PPFIBP1: variants seen among roughly 807,000 people sequenced by gnomAD.
PPFIBP1 encodes liprin-beta-1.
In PPFIBP1, 112 loss-of-function variants were observed where a neutral mutation model predicts 137.8. The ratio of observed to expected loss-of-function variants is 0.81; its 90% CI spans 0.70 to 0.95. PPFIBP1 has a LOEUF of 0.95. Among genes scored for constraint, PPFIBP1 ranks in the 40% least tolerant of loss-of-function variants. The pLI, the probability that PPFIBP1 is intolerant of heterozygous loss-of-function variation, is 0.00. For synonymous variants in PPFIBP1, 378 were observed against 417.3 expected, an observed-to-expected ratio of 0.91 and a Z score of 1.15; for missense variants, 1,083 against 1,196.6, an observed-to-expected ratio of 0.91 and a Z score of 1.40.
In PPFIBP1 at chr12:27,694,617, T is replaced by C. The variant is rs1566037141; in HGVS notation, c.*1735T>C. 1 of 152,268 alleles carries C rather than the reference T, an allele frequency of 6.6e-6. No homozygotes were observed. The highest frequency in any genetic ancestry group is 1.5e-5 in the Non-Finnish European group (1 of 68,042). 9.4% of individuals were successfully genotyped at this position (152,268 alleles called of 1,614,324 possible). A position where few individuals can be genotyped will look rare whatever the true frequency, so the allele number is the denominator to read the frequency against. On this transcript the variant is annotated 3_prime_UTR_variant, in exon 30 of 30. Transcript: ENST00000228425. ...ATGGCTATTTTGTGACGATAAGATG[T>C]AGTTCATGTTTTTCTGTAGCACTGG...
At chr12:27,641,346 A>G (rs2058092214) in intron 4 of PPFIBP1, among the ~76,000 whole-genome samples, 2 of 152,214 alleles carry the variant, frequency 1.3e-5, no homozygotes, top group African/African-American at 4.8e-5. Flanking sequence ...AAAGCAAAAC[A>G]AAGGGGAAAC....
chr12:27,626,566 TG>T (rs1235814116), intron 2 of PPFIBP1, among the ~76,000 whole-genome samples: 2 of 151,886 alleles, frequency 1.3e-5, no homozygotes, highest in Non-Finnish European at 2.9e-5. Flanking sequence ...TCTAGGGATT[TG>T]CATTTCTTTT....
chr12:27,676,942 C>T, intron 18 of PPFIBP1, 122 bp from the exon 19 acceptor site: 1 of 1,258,078 alleles, frequency 7.9e-7, no homozygotes, highest in Non-Finnish European at 1.2e-6. Flanking sequence ...CTGTGTGCCG[C>T]ATGCCTCTCC....
intron 2 of PPFIBP1, among the ~76,000 whole-genome samples, chr12:27,632,022 ATTCCTTGT>A (rs1270216529): frequency 6.6e-6 from 1 of 152,082 alleles, no homozygotes; most frequent in East Asian, 1.9e-4. Context: ...TAACTTGTTG[ATTCCTTGT>A]TTCCTGGGTA....
intron 1 of PPFIBP1, among the ~76,000 whole-genome samples, chr12:27,566,490 A>G (rs1268790480): frequency 6.6e-6 from 1 of 152,248 alleles, no homozygotes; most frequent in Non-Finnish European, 1.5e-5. Flanking sequence ...AGCCTTTAGG[A>G]TAAAACCCCA....
At chr12:27,558,918 A>G (rs761302920) in intron 1 of PPFIBP1, among the ~76,000 whole-genome samples, 4 of 152,100 alleles carry the variant, frequency 2.6e-5, no homozygotes, top group Non-Finnish European at 5.9e-5. Flanking sequence ...GCTGGAGTGC[A>G]GTGGCGTGAC....
rs372609088 is a variant in PPFIBP1 at position 27,692,949 on chromosome 12, A to C, written c.*67A>C. ...TCTACTTGCTTTTCCAAACACTCAC[A>C]GTATATACAACAGGCAGCGGATTGT... On this transcript the variant is annotated 3_prime_UTR_variant, in exon 30 of 30. Coordinates refer to ENST00000228425, the MANE Select transcript of PPFIBP1 (RefSeq NM_003622.4). 1.2e-5 allele frequency: 19 copies of C among 1,593,362 alleles called. No individual in the cohort carries two copies. In the African/African-American group the frequency reaches 2.3e-4, roughly 19 times the overall value.
rs552167101 is a variant in PPFIBP1 at position 27,579,203 on chromosome 12, T to A, written c.-36+964T>A. On this transcript the variant is annotated intron_variant, in intron 2 of 29. Transcript: ENST00000228425. ...CCAGTCCTTTCAGGAATTTCCTCTG[T>A]GTCCATGAGCTATCTAAGGTCCATG... is the stretch of plus-strand genomic sequence containing the variant. Among the ~76,000 whole-genome samples the A allele has an allele frequency of 2.0e-3, 312 of 152,340 alleles. 1 individual carries two copies. The highest frequency in any genetic ancestry group is 7.1e-3 in the African/African-American group (296 of 41,568).
At chr12:27,666,019 A>C (rs998818533) in intron 12 of PPFIBP1, among the ~76,000 whole-genome samples, 4 of 152,238 alleles carry the variant, frequency 2.6e-5, no homozygotes, top group Non-Finnish European at 5.9e-5. Flanking sequence ...GATTTTATAG[A>C]ATTTCAACTG....
intron 13 of PPFIBP1, 40 bp downstream of exon 13, chr12:27,667,360 A>T: frequency 6.7e-7 from 1 of 1,492,094 alleles, no homozygotes; most frequent in Non-Finnish European, 9.0e-7. Flanking sequence ...TGTTGAAGAG[A>T]CTGTGTTACT....
intron 4 of PPFIBP1, among the ~76,000 whole-genome samples, chr12:27,644,244 G>GTTGTTTTTTTTTTTTTTTTTTTT (rs2058314498): frequency 8.5e-6 from 1 of 117,742 alleles, no homozygotes; most frequent in Non-Finnish European, 1.7e-5. Flanking sequence ...GCTTGGCTAA[G>GTTGTTTTTTTTTTTTTTTTTTTT]TTTTTTTTTT....
chr12:27,552,324 A>C (rs1011791725), intron 1 of PPFIBP1, among the ~76,000 whole-genome samples: 4 of 152,232 alleles, frequency 2.6e-5, no homozygotes, highest in African/African-American at 9.6e-5. Flanking sequence ...TTGAACCGCT[A>C]TCAGGTTAGG....
At chr12:27,564,779 C>G (rs2049498629) in intron 1 of PPFIBP1, among the ~76,000 whole-genome samples, 1 of 152,158 alleles carries the variant, frequency 6.6e-6, no homozygotes, top group Non-Finnish European at 1.5e-5. Context: ...CTAATCTGCT[C>G]TTTGTTCTCA....
intron 1 of PPFIBP1, 91 bp downstream of exon 1, chr12:27,524,456 C>G (rs1317404979): frequency 1.4e-5 from 2 of 142,246 alleles, no homozygotes; most frequent in African/African-American, 5.2e-5. Context: ...TCCTCTTCCC[C>G]GGGTCGATTT....
At chr12:27,527,772 G>T (rs1454092235) in intron 1 of PPFIBP1, among the ~76,000 whole-genome samples, 3 of 145,480 alleles carry the variant, frequency 2.1e-5, no homozygotes, top group Non-Finnish European at 4.5e-5. Context: ...CCAAAATTAA[G>T]AAAAAAAAAA....
chr12:27,566,583 C>T lies in PPFIBP1; in HGVS notation c.-123-11569C>T, dbSNP rs2049694233. 3.3e-5 allele frequency among the ~76,000 whole-genome samples: 5 copies of T among 152,150 alleles called. No homozygotes were observed. In the South Asian group the frequency reaches 1.0e-3, roughly 32 times the overall value. ...CTTTAGTTTGAGGAGGAGATTTTAA[C>T]TTTTAATTACGGATAACAACTACTA... On this transcript the variant is annotated intron_variant, in intron 1 of 29. Coordinates refer to ENST00000228425, the MANE Select transcript of PPFIBP1 (RefSeq NM_003622.4).
chr12:27,679,836 G>A (rs2060775403), intron 20 of PPFIBP1, 97 bp from the exon 21 acceptor site: 4 of 1,477,540 alleles, frequency 2.7e-6, no homozygotes, highest in Non-Finnish European at 3.7e-6. Flanking sequence ...ACACAAAGAG[G>A]ATTAGTTCCA....
At chr12:27,537,267 G>A (rs1945135949) in intron 1 of PPFIBP1, among the ~76,000 whole-genome samples, 3 of 152,080 alleles carry the variant, frequency 2.0e-5, no homozygotes, top group South Asian at 4.1e-4. Flanking sequence ...GAGTAGCTGG[G>A]ATTACAGATG....
chr12:27,649,070 A>G (rs2058717142), intron 6 of PPFIBP1, among the ~76,000 whole-genome samples: 2 of 152,224 alleles, frequency 1.3e-5, no homozygotes, highest in African/African-American at 2.4e-5. Context: ...TGATTATTAC[A>G]CATTGCATGC....
Sources: gnomAD v4.1 joint callset for allele counts (sites outside exome capture counted in the v4.1 genomes callset) on GRCh38, gnomAD v4.1.1 for gene constraint, MANE v1.5 for transcripts, NCBI Gene and HGNC (gene_info 2026-07-23, HGNC 2026-07-21) for gene names.